Variants in NOX4 observed in about 807,000 individuals in gnomAD.
The protein encoded by NOX4 is NADPH oxidase 4.
In NOX4, 69 loss-of-function variants were observed where a neutral mutation model predicts 87.6. That is an observed-to-expected ratio of 0.79 (90% confidence interval 0.65 to 0.96). NOX4 has a LOEUF of 0.96. NOX4 is among the 40% of genes least tolerant of loss of function. The pLI, the probability that NOX4 is intolerant of heterozygous loss-of-function variation, is 0.00. For missense variants in NOX4, 680 were observed against 681.5 expected (o/e 1.00, Z 0.02); for synonymous variants, 275 against 238.2 (o/e 1.15, Z -1.42).
At chr11:89,548,526 G>A in the NOX4 span, 1 of 152,268 alleles carries the variant, frequency 6.6e-6, no homozygotes, top group East Asian at 1.9e-4. Context: ...AAGATCTAAA[G>A]ACTGCAGGGT....
At chr11:89,447,274 T>C (rs546599697) in intron 4 of NOX4, among the ~76,000 whole-genome samples, 16 of 152,246 alleles carry the variant, frequency 1.1e-4, no homozygotes, top group African/African-American at 3.8e-4. Flanking sequence ...ATTAAAAGCT[T>C]ATATATTAAC....
chr11:89,536,040 T>G, the NOX4 span, among the ~76,000 whole-genome samples: 2 of 151,950 alleles, frequency 1.3e-5, no homozygotes, highest in Admixed American at 1.3e-4. Context: ...TTCTTTCTGA[T>G]CATGTTAGTT....
chr11:89,502,303 C>T (rs1947031493), upstream of NOX4, among the ~76,000 whole-genome samples: 1 of 152,032 alleles, frequency 6.6e-6, no homozygotes, highest in East Asian at 1.9e-4. Flanking sequence ...CAACATTTTG[C>T]AACCTACTCA....
At chr11:89,528,659 G>A in the NOX4 span, among the ~76,000 whole-genome samples, 5 of 152,180 alleles carry the variant, frequency 3.3e-5, no homozygotes, top group South Asian at 2.1e-4. Flanking sequence ...AAGGTACCTC[G>A]CTTCCTCCTT....
intron 12 of NOX4, among the ~76,000 whole-genome samples, chr11:89,359,488 G>A (rs317189): frequency 0.014 from 2,082 of 146,764 alleles, 45 homozygotes; most frequent in African/African-American, 0.05. Context: ...CCTATTCCTG[G>A]GATGAGAAGA....
chr11:89,433,112 T>C (rs113837479), intron 6 of NOX4, among the ~76,000 whole-genome samples: 97 of 152,222 alleles, frequency 6.4e-4, no homozygotes, highest in African/African-American at 2.0e-3. Flanking sequence ...GTAAAAGTGA[T>C]CAGATCAGAG....
At chr11:89,555,318 C>A in the NOX4 span, among the ~76,000 whole-genome samples, 1 of 151,716 alleles carries the variant, frequency 6.6e-6, no homozygotes, top group African/African-American at 2.4e-5. Flanking sequence ...GACCTCATCT[C>A]CACACACACA....
At chr11:89,366,461 C>T (rs1266958640) in intron 12 of NOX4, among the ~76,000 whole-genome samples, 3 of 151,928 alleles carry the variant, frequency 2.0e-5, no homozygotes, top group Non-Finnish European at 4.4e-5. Flanking sequence ...GCTGATCGCT[C>T]GAGCCCAGGA....
In NOX4 at chr11:89,324,780, T is replaced by C. The variant is rs1372805303; in HGVS notation, c.*1976A>G. The C allele has an allele frequency of 1.3e-5, 2 of 152,226 alleles. No individual in the cohort carries two copies. The highest frequency in any genetic ancestry group is 2.9e-5 in the Non-Finnish European group (2 of 68,032). 9.4% of individuals were successfully genotyped at this position (152,226 alleles called of 1,614,324 possible). On this transcript the variant is annotated 3_prime_UTR_variant, in exon 18 of 18. Coordinates refer to ENST00000263317, the MANE Select transcript of NOX4 (RefSeq NM_016931.5). Reference sequence around the variant, plus strand: ...TAATCTAAAGACTGTTGTCAAGACATACTAGTTATTAAATATGCCTTCAGA... The same window carrying C: ...TAATCTAAAGACTGTTGTCAAGACACACTAGTTATTAAATATGCCTTCAGA...
chr11:89,529,577 C>T, the NOX4 span, among the ~76,000 whole-genome samples: 5 of 152,178 alleles, frequency 3.3e-5, no homozygotes, highest in Non-Finnish European at 5.9e-5. Context: ...GGATAGTTTA[C>T]TTGATTTTTA....
the NOX4 span, among the ~76,000 whole-genome samples, chr11:89,536,465 C>G: frequency 2.0e-5 from 3 of 152,208 alleles, no homozygotes; most frequent in South Asian, 6.2e-4. Context: ...TTTTCTACCT[C>G]TGCAGTTCCA....
intron 6 of NOX4, among the ~76,000 whole-genome samples, chr11:89,433,530 C>T (rs1484877528): frequency 6.6e-6 from 1 of 151,958 alleles, no homozygotes; most frequent in African/African-American, 2.4e-5. Flanking sequence ...TAAGCAGTGC[C>T]TTCAGTTTCA....
Position 89,444,008 on chromosome 11 carries a change from T to A in NOX4, c.447+127A>T, listed in dbSNP as rs184040698. On this transcript the variant is annotated intron_variant, in intron 5 of 17. Transcript: ENST00000263317. ...CTACTGAAAAGGAATAAAGCTCAAC[T>A]TGACAACTGCATTTTAAAAGCACTC... is the stretch of plus-strand genomic sequence containing the variant. 4.3e-5 allele frequency: 31 copies of A among 712,786 alleles called. No individual in the cohort carries two copies. The African/African-American group carries it at 4.8e-4, about 11-fold the overall frequency. The allele number at this position is 712,786 out of a possible 1,614,324, so 44.2% of individuals were successfully genotyped here.
At chr11:89,381,035 G>A (rs1940246714) in intron 11 of NOX4, among the ~76,000 whole-genome samples, 1 of 152,266 alleles carries the variant, frequency 6.6e-6, no homozygotes, top group South Asian at 2.1e-4. Flanking sequence ...GTCTTTGTGA[G>A]ATCCATAGCC....
intron 2 of NOX4, among the ~76,000 whole-genome samples, chr11:89,486,271 T>A (rs952086781): frequency 1.3e-5 from 2 of 148,676 alleles, no homozygotes; most frequent in Admixed American, 1.3e-4. Context: ...ATTTATTTAT[T>A]TAAATAAATA....
chr11:89,535,069 A>AT, the NOX4 span, among the ~76,000 whole-genome samples: 1 of 152,176 alleles, frequency 6.6e-6, no homozygotes, highest in Non-Finnish European at 1.5e-5. Flanking sequence ...CAATCTGAGA[A>AT]TTTTTAAATT....
At chr11:89,553,876 CT>C in the NOX4 span, among the ~76,000 whole-genome samples, 132,748 of 140,134 alleles carry the variant, frequency 0.95, 62,949 homozygotes, top group South Asian at 0.99. Context: ...AAACAAACAT[CT>C]TTTTTTTTTT....
At chr11:89,470,369 T>C (rs1255981120) in intron 2 of NOX4, among the ~76,000 whole-genome samples, 1 of 152,148 alleles carries the variant, frequency 6.6e-6, no homozygotes, top group African/African-American at 2.4e-5. Context: ...ACTCATATGA[T>C]CTAAAGAATT....
chr11:89,582,170 G>A, the NOX4 span, among the ~76,000 whole-genome samples: 2 of 152,056 alleles, frequency 1.3e-5, no homozygotes, highest in East Asian at 3.9e-4. Flanking sequence ...ATTCAAACAT[G>A]TTGTCACAAA....
Sources: allele counts gnomAD v4.1 joint callset (sites outside exome capture counted in the v4.1 genomes callset), GRCh38; gene constraint gnomAD v4.1.1; transcripts MANE v1.5; gene names NCBI Gene and HGNC (gene_info 2026-07-23, HGNC 2026-07-21).